ABCC2: variants seen among roughly 807,000 people sequenced by gnomAD.
The protein encoded by ABCC2 is ATP-binding cassette sub-family C member 2.
In ABCC2, 157 loss-of-function variants were observed where a neutral mutation model predicts 173.4. The observed-to-expected ratio is 0.91, with a 90% CI of 0.80 to 1.03. ABCC2 has a LOEUF of 1.03. Ranked by LOEUF, ABCC2 falls within the 50% of genes least tolerant of loss-of-function variation. The pLI is 0.00. For missense variants in ABCC2, 1,822 were observed against 1,852.3 expected, an observed-to-expected ratio of 0.98 and a Z score of 0.30; for synonymous variants, 657 against 693.5, an observed-to-expected ratio of 0.95 and a Z score of 0.83.
intron 19 of ABCC2, among the ~76,000 whole-genome samples, chr10:99,819,778 A>C (rs183213400): frequency 3.3e-5 from 5 of 152,312 alleles, no homozygotes; most frequent in Admixed American, 3.3e-4. Flanking sequence ...ACCAGAAAAA[A>C]ATTATGGCAG....
Position 99,819,154 on chromosome 10 carries a change from G to A in ABCC2, c.2505G>A (p.Gly835=). 1.2e-6 allele frequency: 2 copies of A among 1,614,144 alleles called. No individual in the cohort carries two copies. The highest frequency in any genetic ancestry group is 1.7e-6 in the Non-Finnish European group (2 of 1,180,026). Residue 835 remains glycine, a synonymous_variant, in exon 19 of 32, where the codon GGG becomes GGA. Transcript: ENST00000647814. Reference sequence around the variant, plus strand: ...AAGTGGATGAGATTGTAGTTCTGGGGAATGGAACAATTGTAGAGAAAGGAT... The same window carrying A: ...AAGTGGATGAGATTGTAGTTCTGGGAAATGGAACAATTGTAGAGAAAGGAT... ...LPQVDEIVVL[G]NGTIVEKGSY...
chr10:99,831,140 A>G (rs930833719), intron 21 of ABCC2, among the ~76,000 whole-genome samples: 1 of 152,238 alleles, frequency 6.6e-6, no homozygotes, highest in African/African-American at 2.4e-5. Flanking sequence ...CCTAGAGCAC[A>G]TAATTCAAAT....
intron 29 of ABCC2, among the ~76,000 whole-genome samples, chr10:99,845,989 G>T (rs1222877158): frequency 6.6e-6 from 1 of 152,188 alleles, no homozygotes; most frequent in Non-Finnish European, 1.5e-5. Context: ...GCCTGTATCT[G>T]ACCACTAGGT....
chr10:99,836,553 C>T (rs2038827408), intron 25 of ABCC2, among the ~76,000 whole-genome samples: 2 of 152,166 alleles, frequency 1.3e-5, no homozygotes, highest in Admixed American at 6.5e-5. Flanking sequence ...TTGTAATGGC[C>T]AGAACACACC....
Position 99,846,961 on chromosome 10 carries a change from G to T in ABCC2, c.4147G>T (p.Asp1383Tyr), listed in dbSNP as rs765809237. Residue 1383 changes from aspartate to tyrosine, a missense_variant and splice_region_variant, in exon 30 of 32, where the codon GAC (aspartate) becomes TAC (tyrosine). Coordinates refer to ENST00000647814, the MANE Select transcript of ABCC2 (RefSeq NM_000392.5). ...AGCCCCCTTGTCCTTTCACTTGCAG[G>T]ACCCCATCCTGTTCTCTGGAAGCCT... ...LREKLTIIPQ[D>Y]PILFSGSLRM... The T allele has an allele frequency of 6.2e-7, 1 of 1,614,098 alleles. No individual in the cohort carries two copies. Among genetic ancestry groups the T allele is most frequent in the Non-Finnish European group, 8.5e-7 (1 of 1,180,010 alleles).
intron 23 of ABCC2, among the ~76,000 whole-genome samples, chr10:99,833,493 C>T (rs2038771552): frequency 6.6e-6 from 1 of 152,086 alleles, no homozygotes; most frequent in South Asian, 2.1e-4. Flanking sequence ...ATCAAGGGGC[C>T]TCTGGGATCA....
At chr10:99,843,936 A>C (rs758562842) in intron 27 of ABCC2, 36 bp downstream of exon 27, 1 of 1,511,618 alleles carries the variant, frequency 6.6e-7, no homozygotes, top group Non-Finnish European at 9.2e-7. Flanking sequence ...GAACAAGGCA[A>C]AAACAACATG....
intron 19 of ABCC2, among the ~76,000 whole-genome samples, chr10:99,827,910 G>C (rs539035271): frequency 1.3e-5 from 1 of 79,650 alleles, no homozygotes; most frequent in South Asian, 5.0e-4. Flanking sequence ...CAATGACCAC[G>C]CTCGAGCGTA....
At chr10:99,819,383 C>T (rs2038489471) in intron 19 of ABCC2, 114 bp downstream of exon 19, 4 of 1,023,338 alleles carry the variant, frequency 3.9e-6, no homozygotes, top group Non-Finnish European at 4.5e-6. Context: ...AAGCAAACTA[C>T]CCAGAGATTC....
At chr10:99,841,863 C>T (rs990090980) in intron 25 of ABCC2, 104 bp from the exon 26 acceptor site, 9 of 1,537,998 alleles carry the variant, frequency 5.9e-6, no homozygotes, top group Admixed American at 3.6e-5. Flanking sequence ...GAGTGCGGCC[C>T]GATCAAGTCA....
intron 2 of ABCC2, among the ~76,000 whole-genome samples, chr10:99,788,149 C>T (rs1245922221): frequency 1.3e-5 from 2 of 152,100 alleles, no homozygotes; most frequent in Non-Finnish European, 2.9e-5. Context: ...CCATTGATAC[C>T]AGTTCCTCAT....
chr10:99,813,181 C>T (rs572266091), intron 16 of ABCC2, 37 bp downstream of exon 16: 12 of 1,608,550 alleles, frequency 7.5e-6, no homozygotes, highest in South Asian at 1.1e-5. Flanking sequence ...CTCTGACTCC[C>T]GAATGTCAGC....
In ABCC2 at chr10:99,836,187, C is replaced by T. The variant is rs1381816763; in HGVS notation, c.3511C>T (p.Pro1171Ser). The T allele has an allele frequency of 3.1e-6, 5 of 1,614,070 alleles. No homozygotes were observed. The highest frequency in any genetic ancestry group is 1.3e-5 in the African/African-American group (1 of 74,916). ...SHFSETVSGLPVIRAFEHQQR... is the reference protein window; with the variant it reads ...SHFSETVSGLSVIRAFEHQQR... The stretch of plus-strand genomic sequence containing the variant: ...CTTCAGCGAGACCGTATCAGGTTTG[C>T]CAGTTATCCGTGCCTTTGAGCACCA... The change falls in exon 25 of 32, where the codon CCA (proline) becomes TCA (serine). Residue 1171 changes from proline (P) to serine (S), a missense_variant. Physicochemically the swap from Pro to Ser is moderately conservative, Grantham distance 74. Coordinates refer to ENST00000647814, the MANE Select transcript of ABCC2 (RefSeq NM_000392.5).
chr10:99,797,924 T>G (rs1399752149), intron 7 of ABCC2: 1 of 160,754 alleles, frequency 6.2e-6, no homozygotes, highest in Non-Finnish European at 1.4e-5. Flanking sequence ...CAGAGGGAAG[T>G]GTGTTCCAGT....
chr10:99,800,253 A>G, intron 8 of ABCC2, 133 bp from the exon 9 acceptor site: 3 of 996,536 alleles, frequency 3.0e-6, no homozygotes, highest in Non-Finnish European at 4.8e-6. Context: ...TAGGTCTTTC[A>G]AAGGCTTTGG....
chr10:99,802,122 T>G (rs1255399170), intron 9 of ABCC2, among the ~76,000 whole-genome samples: 1 of 149,788 alleles, frequency 6.7e-6, no homozygotes, highest in Non-Finnish European at 1.5e-5. Flanking sequence ...TCGCACTATT[T>G]TGGTTCTTAA....
chr10:99,847,793 C>G (rs886267530), intron 30 of ABCC2, among the ~76,000 whole-genome samples: 2 of 151,746 alleles, frequency 1.3e-5, no homozygotes, highest in African/African-American at 2.4e-5. Flanking sequence ...GTGGCAGGCG[C>G]CTGTAATCTC....
intron 23 of ABCC2, among the ~76,000 whole-genome samples, chr10:99,833,115 TG>T (rs1352669580): frequency 6.6e-6 from 1 of 152,238 alleles, no homozygotes; most frequent in Non-Finnish European, 1.5e-5. Context: ...AGCCAGGTTC[TG>T]GGGACACAGT....
chr10:99,793,712 G>T, intron 4 of ABCC2, 27 bp downstream of exon 4: 1 of 1,614,038 alleles, frequency 6.2e-7, no homozygotes, highest in Non-Finnish European at 8.5e-7. Context: ...TGGATGACAT[G>T]AGGAGGTACC....
Sources: allele counts gnomAD v4.1 joint callset (sites outside exome capture counted in the v4.1 genomes callset), GRCh38; gene constraint gnomAD v4.1.1; transcripts MANE v1.5; gene names NCBI Gene and HGNC (gene_info 2026-07-23, HGNC 2026-07-21).